Variants in SCHIP1 observed in about 807,000 individuals in gnomAD.
SCHIP1 encodes the protein schwannomin interacting protein 1, also known as schwannomin-interacting protein 1.
SCHIP1 carries 8 observed loss-of-function variants against 29.7 expected under a neutral mutation model. That is an observed-to-expected ratio of 0.27 (90% CI 0.16 to 0.49). The LOEUF is 0.49. Among genes scored for constraint, SCHIP1 ranks in the 20% least tolerant of loss-of-function variants. The probability of loss-of-function intolerance (pLI) is 0.99; values close to 1 mark genes in which losing one functional copy is unlikely to be tolerated. For missense variants in SCHIP1, 193 were observed against 294.6 expected (o/e 0.66, Z 2.52); for synonymous variants, 76 against 94.9 (o/e 0.80, Z 1.16).
At chr3:159,815,782 C>A in the SCHIP1 span, among the ~76,000 whole-genome samples, 1 of 152,070 alleles carries the variant, frequency 6.6e-6, no homozygotes. Context: ...CCTACCTGGT[C>A]TTCGTTTCCC....
chr3:159,473,216 T>G, the SCHIP1 span, among the ~76,000 whole-genome samples: 1 of 152,194 alleles, frequency 6.6e-6, no homozygotes, highest in South Asian at 2.1e-4. Flanking sequence ...ATCTATAGTT[T>G]TGGAAACAGA....
chr3:159,569,528 T>C, the SCHIP1 span, among the ~76,000 whole-genome samples: 85 of 152,284 alleles, frequency 5.6e-4, 2 homozygotes, highest in Middle Eastern at 6.8e-3. Context: ...TAGTGTTCCA[T>C]GGTGTATTAT....
the SCHIP1 span, chr3:159,764,999 C>A: frequency 2.6e-6 from 4 of 1,531,358 alleles, no homozygotes; most frequent in Non-Finnish European, 3.5e-6. This position sits in a 1 kb window ranked among gnomAD's most constrained non-coding sequence, Gnocchi z 6.1. Flanking sequence ...CTTCAGCCCC[C>A]AGACGGCGGG....
the SCHIP1 span, among the ~76,000 whole-genome samples, chr3:159,640,466 C>T: frequency 6.6e-6 from 1 of 152,116 alleles, no homozygotes; most frequent in Non-Finnish European, 1.5e-5. Flanking sequence ...AACCTTATTT[C>T]TCAAGGGAAG....
the SCHIP1 span, among the ~76,000 whole-genome samples, chr3:159,340,680 CTT>C: frequency 1.3e-5 from 2 of 152,096 alleles, no homozygotes; most frequent in African/African-American, 4.8e-5. Context: ...TCACCTCTCT[CTT>C]GGAAAACTCC....
chr3:159,767,758 C>T, the SCHIP1 span, among the ~76,000 whole-genome samples: 2 of 152,110 alleles, frequency 1.3e-5, no homozygotes, highest in African/African-American at 4.8e-5. Context: ...GAAGCTGTCC[C>T]CCACCACCCT....
chr3:159,440,270 C>T, the SCHIP1 span, among the ~76,000 whole-genome samples: 2 of 152,088 alleles, frequency 1.3e-5, no homozygotes, highest in South Asian at 2.1e-4. Context: ...TTGGTCTATG[C>T]ATCTGTTCTT....
the SCHIP1 span, among the ~76,000 whole-genome samples, chr3:159,823,649 A>G: frequency 1.3e-5 from 2 of 152,158 alleles, no homozygotes; most frequent in Non-Finnish European, 2.9e-5. Flanking sequence ...TTGCATGCCA[A>G]AAGTCGAAGA....
the SCHIP1 span, among the ~76,000 whole-genome samples, chr3:159,667,755 T>G: frequency 6.6e-6 from 1 of 152,220 alleles, no homozygotes; most frequent in Non-Finnish European, 1.5e-5. Flanking sequence ...TCTCAATTAT[T>G]TGTCCACCTT....
chr3:159,896,195 T>C (rs1036679804), intron 6 of SCHIP1, among the ~76,000 whole-genome samples: 34 of 152,354 alleles, frequency 2.2e-4, no homozygotes, highest in Admixed American at 7.2e-4. Flanking sequence ...TTAGTTAATA[T>C]CTAGGTCTGT....
the SCHIP1 span, among the ~76,000 whole-genome samples, chr3:159,502,145 G>A: frequency 6.6e-6 from 1 of 152,206 alleles, no homozygotes; most frequent in East Asian, 1.9e-4. Context: ...AAAGGGAAAA[G>A]AAATCTTCTA....
At chr3:159,456,003 C>T in the SCHIP1 span, among the ~76,000 whole-genome samples, 3 of 152,134 alleles carry the variant, frequency 2.0e-5, no homozygotes, top group Non-Finnish European at 4.4e-5. Context: ...TCATCTGAGC[C>T]GGCTGAGCAG....
the SCHIP1 span, among the ~76,000 whole-genome samples, chr3:159,495,617 C>G: frequency 3.3e-5 from 5 of 152,284 alleles, no homozygotes; most frequent in East Asian, 5.8e-4. Flanking sequence ...AGGATACAAA[C>G]AAATGGAAGA....
chr3:159,480,802 G>A, the SCHIP1 span, among the ~76,000 whole-genome samples: 9 of 151,988 alleles, frequency 5.9e-5, no homozygotes, highest in East Asian at 1.9e-4. Flanking sequence ...TGTCACGCAC[G>A]TCCTTGTGAA....
At chr3:159,754,543 C>A in the SCHIP1 span, among the ~76,000 whole-genome samples, 1 of 152,200 alleles carries the variant, frequency 6.6e-6, no homozygotes, top group Non-Finnish European at 1.5e-5. Context: ...ATCTACTTAG[C>A]TTCATCTGAA....
chr3:159,602,446 C>T, the SCHIP1 span, among the ~76,000 whole-genome samples: 1 of 152,178 alleles, frequency 6.6e-6, no homozygotes. Context: ...CATGGTGGCT[C>T]ATACTTGTAA....
At chr3:159,487,868 A>C in the SCHIP1 span, among the ~76,000 whole-genome samples, 2 of 152,220 alleles carry the variant, frequency 1.3e-5, no homozygotes, top group Non-Finnish European at 2.9e-5. Flanking sequence ...AGTCTTTTAA[A>C]GTCTCTGTTA....
chr3:159,617,538 C>T, the SCHIP1 span, among the ~76,000 whole-genome samples: 16 of 152,152 alleles, frequency 1.1e-4, no homozygotes, highest in African/African-American at 3.9e-4. Flanking sequence ...TTCATCTCTT[C>T]TTTTGTGGGC....
the SCHIP1 span, among the ~76,000 whole-genome samples, chr3:159,623,986 A>G: frequency 6.6e-6 from 1 of 152,202 alleles, no homozygotes; most frequent in African/African-American, 2.4e-5. Flanking sequence ...AGATTCTCCT[A>G]CAAGGCAGAA....
Sources: gnomAD v4.1 joint callset for allele counts (sites outside exome capture counted in the v4.1 genomes callset) on GRCh38, gnomAD v4.1.1 for gene constraint, Gnocchi (gnomAD v3.1) non-coding constraint, MANE v1.5 for transcripts, NCBI Gene and HGNC (gene_info 2026-07-23, HGNC 2026-07-21) for gene names.